AOPEP: variants seen among roughly 807,000 people sequenced by gnomAD.
AOPEP encodes aminopeptidase O.
AOPEP carries 77 observed loss-of-function variants against 98.1 expected under a neutral mutation model. That is an observed-to-expected ratio of 0.78 (90% confidence interval 0.65 to 0.95). The LOEUF (loss-of-function observed/expected upper bound fraction) is 0.95, where lower values mean the gene tolerates loss of function less well. Ranked by LOEUF, AOPEP falls within the 40% of genes least tolerant of loss-of-function variation. The pLI is 0.00. For synonymous variants in AOPEP, 346 were observed against 365.3 expected, an observed-to-expected ratio of 0.95 and a Z score of 0.60; for missense variants, 1,024 against 1,024.7, an observed-to-expected ratio of 1.00 and a Z score of 0.01.
intron 4 of AOPEP, among the ~76,000 whole-genome samples, chr9:94,794,664 C>T (rs1295486540): frequency 6.6e-6 from 1 of 152,006 alleles, no homozygotes; most frequent in Non-Finnish European, 1.5e-5. Context: ...TCCTAGATTG[C>T]GTATTAGATT....
At chr9:94,833,676 G>T (rs981141579) in intron 5 of AOPEP, among the ~76,000 whole-genome samples, 13 of 152,132 alleles carry the variant, frequency 8.5e-5, no homozygotes, top group Non-Finnish European at 1.8e-4. Context: ...GGTTTGAAAC[G>T]CATCAAGTCC....
intron 15 of AOPEP, among the ~76,000 whole-genome samples, chr9:95,082,190 G>A (rs1369441069): frequency 2.0e-5 from 3 of 152,108 alleles, no homozygotes; most frequent in African/African-American, 4.8e-5. Flanking sequence ...CACACTTTGC[G>A]GGGCAGGAGT....
At chr9:94,935,739 C>T (rs1564409436) in intron 7 of AOPEP, among the ~76,000 whole-genome samples, 2 of 152,154 alleles carry the variant, frequency 1.3e-5, no homozygotes, top group Admixed American at 6.5e-5. Flanking sequence ...GCCATACCCC[C>T]TTTTAAGCCA....
intron 2 of AOPEP, among the ~76,000 whole-genome samples, chr9:94,762,818 G>A (rs980628842): frequency 6.6e-6 from 1 of 152,114 alleles, no homozygotes; most frequent in Non-Finnish European, 1.5e-5. Context: ...GTTTGGATAT[G>A]TTAAGGACTT....
At chr9:95,065,946 C>T (rs1046818952) in intron 14 of AOPEP, among the ~76,000 whole-genome samples, 2 of 152,144 alleles carry the variant, frequency 1.3e-5, no homozygotes, top group East Asian at 3.8e-4. Flanking sequence ...AAAGCTGAGA[C>T]CATGCTTGTG....
intron 5 of AOPEP, among the ~76,000 whole-genome samples, chr9:94,831,439 C>T (rs1213759129): frequency 1.3e-5 from 2 of 152,140 alleles, no homozygotes; most frequent in Admixed American, 6.5e-5. Flanking sequence ...AAGTACCATG[C>T]TGTTTTGGTT....
At chr9:94,949,671 A>G (rs1433803049) in intron 7 of AOPEP, among the ~76,000 whole-genome samples, 1 of 152,200 alleles carries the variant, frequency 6.6e-6, no homozygotes, top group Non-Finnish European at 1.5e-5. Flanking sequence ...TACAATACAA[A>G]TTTATTAGTT....
chr9:94,945,675 G>C (rs952812761), intron 7 of AOPEP, among the ~76,000 whole-genome samples: 14 of 152,126 alleles, frequency 9.2e-5, no homozygotes, highest in Admixed American at 9.2e-4. Context: ...TCTGCTCCTC[G>C]TTGAGTCATC....
At chr9:95,147,218 A>C in the AOPEP span, among the ~76,000 whole-genome samples, 1 of 152,194 alleles carries the variant, frequency 6.6e-6, no homozygotes, top group Non-Finnish European at 1.5e-5. Flanking sequence ...CAGATGTTTC[A>C]TCAAGAAAAG....
intron 5 of AOPEP, chr9:94,904,513 G>T (rs1386388843): frequency 6.6e-6 from 1 of 152,130 alleles, no homozygotes; most frequent in African/African-American, 2.4e-5. Flanking sequence ...GATAGTTTCA[G>T]TTAAAATATC....
At chr9:95,087,432 G>C (rs905622905), downstream of AOPEP, among the ~76,000 whole-genome samples, 1 of 120,146 alleles carries the variant, frequency 8.3e-6, no homozygotes, top group Non-Finnish European at 1.6e-5. Flanking sequence ...GCAGTGAGCC[G>C]AGATTGCGCC....
the AOPEP span, among the ~76,000 whole-genome samples, chr9:95,092,265 G>C: frequency 3.9e-5 from 6 of 152,172 alleles, no homozygotes; most frequent in South Asian, 2.1e-4. Flanking sequence ...GGACTTAAAG[G>C]GGGTGGGCCC....
At chr9:95,049,671 A>C (rs573108323) in intron 13 of AOPEP, among the ~76,000 whole-genome samples, 3 of 152,330 alleles carry the variant, frequency 2.0e-5, no homozygotes, top group South Asian at 2.1e-4. Context: ...AAATACTAGA[A>C]ATTCTAAAAC....
intron 8 of AOPEP, 143 bp downstream of exon 8, chr9:94,955,422 A>G: frequency 1.7e-6 from 1 of 600,700 alleles, no homozygotes; most frequent in Non-Finnish European, 2.9e-6. Flanking sequence ...AGCGTTCAGT[A>G]ATTAAAGCAC....
intron 1 of AOPEP, among the ~76,000 whole-genome samples, chr9:94,751,031 G>C (rs1446077521): frequency 6.6e-6 from 1 of 152,082 alleles, no homozygotes; most frequent in Non-Finnish European, 1.5e-5. Context: ...ACAGGTGTGA[G>C]CCACCGCACC....
intron 5 of AOPEP, among the ~76,000 whole-genome samples, chr9:94,804,028 G>A (rs939492305): frequency 6.6e-6 from 1 of 152,170 alleles, no homozygotes; most frequent in African/African-American, 2.4e-5. Flanking sequence ...CTCTCTTCCT[G>A]TTGGTTTAAT....
chr9:95,128,832 A>C, the AOPEP span, among the ~76,000 whole-genome samples: 3 of 152,168 alleles, frequency 2.0e-5, no homozygotes, highest in Admixed American at 6.5e-5. Context: ...TTAGCTTTTA[A>C]AACAGGTAAG....
chr9:94,939,357 G>A (rs996013207), intron 7 of AOPEP, among the ~76,000 whole-genome samples: 1 of 152,156 alleles, frequency 6.6e-6, no homozygotes, highest in East Asian at 1.9e-4. Context: ...GTTCTGTGAA[G>A]TTTGTGAGTC....
In AOPEP at chr9:94,980,887, C is replaced by T. The variant is rs1589153613; in HGVS notation, c.1977+1460C>T. 6.6e-6 allele frequency among the ~76,000 whole-genome samples: 1 copy of T among 152,170 alleles called. No homozygotes were observed. The highest frequency in any genetic ancestry group is 2.4e-5 in the African/African-American group (1 of 41,438). On this transcript the variant is annotated intron_variant, in intron 11 of 16. Transcript: ENST00000375315. This position sits in a 1 kb window ranked among gnomAD's most constrained non-coding sequence, Gnocchi z 4.3. The stretch of plus-strand genomic sequence containing the variant: ...TAGGTGTGAATAACCAACCCTTTTC[C>T]TTCATGTTTCAGATGGGAGTGCAGG...
Sources: gnomAD v4.1 joint callset for allele counts (sites outside exome capture counted in the v4.1 genomes callset) on GRCh38, gnomAD v4.1.1 for gene constraint, Gnocchi (gnomAD v3.1) non-coding constraint, MANE v1.5 for transcripts, NCBI Gene and HGNC (gene_info 2026-07-23, HGNC 2026-07-21) for gene names.